The following RBFOX2 variants were observed in gnomAD, a reference collection of about 807,000 sequenced individuals.
RBFOX2 encodes RNA binding protein fox-1 homolog 2.
RBFOX2 carries 10 observed loss-of-function variants against 49.1 expected under a neutral mutation model. The ratio of observed to expected loss-of-function variants is 0.20; its 90% confidence interval spans 0.13 to 0.35. RBFOX2 has a LOEUF of 0.35. Ranked by LOEUF, RBFOX2 falls within the 10% of genes least tolerant of loss-of-function variation. The pLI is 1.00. For synonymous variants in RBFOX2, 183 were observed against 187.4 expected, an observed-to-expected ratio of 0.98 and a Z score of 0.19; for missense variants, 323 against 486.9, an observed-to-expected ratio of 0.66 and a Z score of 3.17.
intron 1 of RBFOX2, among the ~76,000 whole-genome samples, chr22:35,845,941 T>G (rs943883457): frequency 6.6e-6 from 1 of 151,954 alleles, no homozygotes; most frequent in African/African-American, 2.4e-5. Flanking sequence ...AAAAAACAGT[T>G]GGTACACAAT....
At chr22:35,930,017 CTTTTTT>C (rs58976136) in intron 1 of RBFOX2, among the ~76,000 whole-genome samples, 1 of 121,328 alleles carries the variant, frequency 8.2e-6, no homozygotes, top group Non-Finnish European at 1.7e-5. Flanking sequence ...CTTAATAGAA[CTTTTTT>C]TTTTTTTTTT....
intron 2 of RBFOX2, among the ~76,000 whole-genome samples, chr22:35,786,610 A>G (rs1334692895): frequency 6.6e-6 from 1 of 152,172 alleles, no homozygotes; most frequent in African/African-American, 2.4e-5. Context: ...GGCCTCCCAA[A>G]GTGCTGGGAT....
intron 1 of RBFOX2, among the ~76,000 whole-genome samples, chr22:35,879,913 T>G (rs907633898): frequency 5.9e-5 from 9 of 152,164 alleles, no homozygotes; most frequent in Non-Finnish European, 1.0e-4. Flanking sequence ...CCCAGCACTT[T>G]GAGAGGCCAA....
intron 7 of RBFOX2, 47 bp downstream of exon 8, chr22:35,761,368 C>A (rs762464572): frequency 1.2e-6 from 2 of 1,611,728 alleles, no homozygotes; most frequent in South Asian, 2.2e-5. Flanking sequence ...ACAGCAGATG[C>A]TATTACAATT....
intron 1 of RBFOX2, among the ~76,000 whole-genome samples, chr22:35,971,912 TA>T (rs527896726): frequency 5.2e-3 from 294 of 56,604 alleles, no homozygotes; most frequent in Middle Eastern, 0.037. Context: ...TTTTTCTCCC[TA>T]AAAAAAAAAA....
intron 4 of RBFOX2, among the ~76,000 whole-genome samples, chr22:35,770,371 T>A (rs1052670864): frequency 6.6e-6 from 1 of 152,176 alleles, no homozygotes; most frequent in Non-Finnish European, 1.5e-5. Flanking sequence ...TTAAGTTATA[T>A]GAAAACTAAG....
At chr22:35,937,380 A>T (rs1029044096) in intron 1 of RBFOX2, among the ~76,000 whole-genome samples, 3 of 152,152 alleles carry the variant, frequency 2.0e-5, no homozygotes, top group Admixed American at 2.0e-4. Context: ...TCCATCTTCA[A>T]TATCAACAGT....
At chr22:35,968,312 C>G (rs903050613) in intron 1 of RBFOX2, among the ~76,000 whole-genome samples, 4 of 152,142 alleles carry the variant, frequency 2.6e-5, no homozygotes, top group African/African-American at 9.7e-5. Flanking sequence ...ACAGAGTCAT[C>G]GAGTTTGCTT....
At chr22:35,799,500 G>A (rs1055201581) in intron 2 of RBFOX2, among the ~76,000 whole-genome samples, 3 of 152,196 alleles carry the variant, frequency 2.0e-5, no homozygotes, top group Admixed American at 1.3e-4. Context: ...TTAATGCTCA[G>A]TTCTCATTTT....
intron 1 of RBFOX2, among the ~76,000 whole-genome samples, chr22:35,987,847 A>G (rs1216988726): frequency 1.3e-5 from 2 of 152,222 alleles, no homozygotes; most frequent in African/African-American, 4.8e-5. Context: ...TAAAAATGAG[A>G]TAATACAAAG....
chr22:35,869,784 T>C (rs893168027), intron 1 of RBFOX2, among the ~76,000 whole-genome samples: 17 of 152,242 alleles, frequency 1.1e-4, no homozygotes, highest in Admixed American at 3.9e-4. Flanking sequence ...TACTGCAGAC[T>C]TACCAAAGTG....
At chr22:35,884,579 C>T (rs946804743) in intron 1 of RBFOX2, among the ~76,000 whole-genome samples, 6 of 152,172 alleles carry the variant, frequency 3.9e-5, no homozygotes, top group African/African-American at 1.2e-4. Context: ...GGCTACTTAA[C>T]AGTGTAGGGG....
chr22:35,854,023 C>T (rs2042240362), intron 1 of RBFOX2, among the ~76,000 whole-genome samples: 1 of 151,944 alleles, frequency 6.6e-6, no homozygotes, highest in African/African-American at 2.4e-5. Context: ...CCAGCCTGAC[C>T]AATGTGGTGA....
intron 1 of RBFOX2, among the ~76,000 whole-genome samples, chr22:35,869,323 A>G (rs2044065594): frequency 6.6e-6 from 1 of 151,908 alleles, no homozygotes; most frequent in South Asian, 2.1e-4. Flanking sequence ...ACGCCTGGCT[A>G]ATTTTTGTAT....
chr22:36,019,977 C>G (rs1052863820), intron 1 of RBFOX2, among the ~76,000 whole-genome samples: 1 of 152,106 alleles, frequency 6.6e-6, no homozygotes, highest in African/African-American at 2.4e-5. Flanking sequence ...GGGGGCATCA[C>G]GCTACCTGAC....
intron 9 of RBFOX2, among the ~76,000 whole-genome samples, chr22:35,758,334 G>A (rs1221903271): frequency 1.3e-5 from 2 of 152,150 alleles, no homozygotes; most frequent in Non-Finnish European, 2.9e-5. Context: ...ACATTGAACA[G>A]GACTAAATTC....
intron 1 of RBFOX2, among the ~76,000 whole-genome samples, chr22:35,865,767 A>G (rs2043606317): frequency 6.6e-6 from 1 of 152,232 alleles, no homozygotes; most frequent in Non-Finnish European, 1.5e-5. Context: ...TATAGGGTAC[A>G]TGTATTGCAT....
exon 1 of RBFOX2, among the ~76,000 whole-genome samples, chr22:36,028,691 C>G (rs933130394): frequency 2.0e-5 from 3 of 150,796 alleles, no homozygotes; most frequent in African/African-American, 7.3e-5. Flanking sequence ...GCTCGCGCCC[C>G]CGCACGCACA....
At chr22:35,876,774 A>G (rs1236344452) in intron 1 of RBFOX2, among the ~76,000 whole-genome samples, 1 of 151,990 alleles carries the variant, frequency 6.6e-6, no homozygotes, top group Non-Finnish European at 1.5e-5. Context: ...TCTAGACCAG[A>G]TATCACAAGA....
Sources: allele counts gnomAD v4.1 joint callset (sites outside exome capture counted in the v4.1 genomes callset), GRCh38; gene constraint gnomAD v4.1.1; transcripts MANE v1.5; gene names NCBI Gene and HGNC (gene_info 2026-07-23, HGNC 2026-07-21).